PFKFB3: variants seen among roughly 807,000 people sequenced by gnomAD.
PFKFB3 encodes the protein 6-phosphofructo-2-kinase/fructose-2,6-bisphosphatase 3.
Under a neutral mutation model 68.0 loss-of-function variants are expected in PFKFB3, and 33 were observed. The observed-to-expected ratio is 0.49, with a 90% CI of 0.37 to 0.65. The LOEUF (loss-of-function observed/expected upper bound fraction) is 0.65. Among genes scored for constraint, PFKFB3 ranks in the 30% least tolerant of loss-of-function variants. PFKFB3 has a pLI of 0.00. For missense variants in PFKFB3, 586 were observed against 712.2 expected (o/e 0.82, Z 2.02); for synonymous variants, 315 against 288.2 (o/e 1.09, Z -0.94).
At chr10:6,221,993 G>A (rs1363941537) in intron 10 of PFKFB3, among the ~76,000 whole-genome samples, 2 of 152,202 alleles carry the variant, frequency 1.3e-5, no homozygotes, top group Non-Finnish European at 2.9e-5. Context: ...GGAAGGTGGT[G>A]TGTGAAGGTC....
chr10:6,251,544 G>A (rs550274034), intron 14 of PFKFB3, among the ~76,000 whole-genome samples: 48 of 152,306 alleles, frequency 3.2e-4, no homozygotes, highest in African/African-American at 9.1e-4. Context: ...GGGAAGCCTC[G>A]CAAGAAGAGA....
chr10:6,224,168 C>G lies in PFKFB3; in HGVS notation c.1296C>G (p.Ile432Met), dbSNP rs1845163945. ...CTCCAGGCTGCCGTGTGGAATCCAT[C>G]TACCTGAACGTGGAGTCCGTCTGCA... ...PVAYGCRVES[I>M]YLNVESVCTH... The change falls in exon 13 of 15, where the codon ATC becomes ATG. Residue 432 changes from isoleucine (I) to methionine (M), a missense_variant. Ile to Met is a conservative substitution (Grantham distance 10, BLOSUM62 1). Coordinates refer to ENST00000379775, the MANE Select transcript of PFKFB3 (RefSeq NM_004566.4). 6.2e-7 allele frequency: 1 copy of G among 1,614,106 alleles called. No homozygotes were observed. The highest frequency in any genetic ancestry group is 8.5e-7 in the Non-Finnish European group (1 of 1,180,040).
chr10:6,283,322 G>A, the PFKFB3 span, among the ~76,000 whole-genome samples: 14 of 152,276 alleles, frequency 9.2e-5, no homozygotes, highest in East Asian at 1.4e-3. Context: ...GGAGGTGTGC[G>A]TATGGGGGCA....
chr10:6,243,208 G>A (rs1219548237), intron 14 of PFKFB3, among the ~76,000 whole-genome samples: 3 of 152,082 alleles, frequency 2.0e-5, no homozygotes, highest in African/African-American at 7.2e-5. Context: ...TTTCATTAGA[G>A]AAAAAAAGAG....
In PFKFB3 at chr10:6,203,877, T is replaced by A. The variant is rs191808835; in HGVS notation, c.76+541T>A. Among the ~76,000 whole-genome samples the A allele has an allele frequency of 1.7e-3, 263 of 152,262 alleles. 2 individuals carry two copies. Among genetic ancestry groups the A allele is most frequent in the African/African-American group, 5.5e-3 (228 of 41,564 alleles). Reference sequence around the variant, plus strand: ...TTTCTCTGTTTCTACCTCCTTCCTCTCCCACTGTTTCTTTCTGCTTTTATC... The same window carrying A: ...TTTCTCTGTTTCTACCTCCTTCCTCACCCACTGTTTCTTTCTGCTTTTATC... On this transcript the variant is annotated intron_variant, in intron 1 of 14. Coordinates refer to ENST00000379775, the MANE Select transcript of PFKFB3 (RefSeq NM_004566.4).
At chr10:6,292,901 T>G in the PFKFB3 span, among the ~76,000 whole-genome samples, 1 of 152,132 alleles carries the variant, frequency 6.6e-6, no homozygotes, top group Non-Finnish European at 1.5e-5. Flanking sequence ...AAAACCAGGA[T>G]AAGGCTACAG....
At chr10:6,267,828 G>A in the PFKFB3 span, among the ~76,000 whole-genome samples, 4 of 151,532 alleles carry the variant, frequency 2.6e-5, no homozygotes, top group Non-Finnish European at 4.4e-5. Context: ...GGTGGCGGGC[G>A]CCTGTAGTCC....
In PFKFB3 at chr10:6,215,284, G is replaced by T; in HGVS notation, c.266G>T (p.Arg89Leu). The T allele has an allele frequency of 6.2e-7, 1 of 1,613,860 alleles. No individual in the cohort carries two copies. The highest frequency in any genetic ancestry group is 8.5e-7 in the Non-Finnish European group (1 of 1,179,952). The change falls in exon 3 of 15, where the codon CGC (arginine) becomes CTC (leucine). Residue 89 changes from arginine to leucine, a missense_variant. Physicochemically the swap from Arg to Leu is moderately radical, Grantham distance 102 (BLOSUM62 -2). Transcript: ENST00000379775. This position sits in a 1 kb window ranked among gnomAD's most constrained non-coding sequence, Gnocchi z 4.3. ...CAGTACAGCTCCTACAACTTCTTCC[G>T]CCCCGACAATGAGGAAGCCATGAAA... ...VKQYSSYNFF[R>L]PDNEEAMKVR... is the part of the protein sequence containing the mutation.
At chr10:6,293,977 T>C in the PFKFB3 span, 1,427 of 519,254 alleles carry the variant, frequency 2.7e-3, 4 homozygotes, top group Non-Finnish European at 4.3e-3. Context: ...CTTGATCCAA[T>C]GGCTTCATGA....
chr10:6,253,820 T>G (rs1437283023), intron 14 of PFKFB3, among the ~76,000 whole-genome samples: 1 of 152,030 alleles, frequency 6.6e-6, no homozygotes, highest in Admixed American at 6.5e-5. Context: ...AGTGGGCAGA[T>G]CAGTTGAGGT....
chr10:6,163,696 ACCGGCGGGG>A, intron 1 of PFKFB3: 1 of 95,626 alleles, frequency 1.0e-5, no homozygotes, highest in East Asian at 4.2e-4. Flanking sequence ...GCGTGGCGGG[ACCGGCGGGG>A]GCGGGGCCTG....
chr10:6,251,798 ATC>A (rs965523146), intron 14 of PFKFB3, among the ~76,000 whole-genome samples: 1 of 152,090 alleles, frequency 6.6e-6, no homozygotes, highest in African/African-American at 2.4e-5. Context: ...GTGAAACCCC[ATC>A]TCTCTAAAAA....
At chr10:6,157,031 G>A (rs1841824796) in intron 1 of PFKFB3, among the ~76,000 whole-genome samples, 1 of 151,162 alleles carries the variant, frequency 6.6e-6, no homozygotes, top group South Asian at 2.1e-4. Context: ...AGTAGAGGTT[G>A]CAGTGAGCCG....
upstream of PFKFB3, chr10:6,202,908 A>G (rs1843424947): frequency 1.7e-6 from 2 of 1,161,938 alleles, no homozygotes; most frequent in Non-Finnish European, 2.1e-6. Context: ...ACTCTTTAAA[A>G]GCCGGCGGTG....
chr10:6,221,688 T>C lies in PFKFB3; in HGVS notation c.1026T>C (p.Pro342=). The C allele has an allele frequency of 6.2e-7, 1 of 1,610,800 alleles. No individual in the cohort carries two copies. The highest frequency in any genetic ancestry group is 8.5e-7 in the Non-Finnish European group (1 of 1,178,968). Reference sequence around the variant, plus strand: ...ACGAGGAGATCAGGGACACCTACCCTGAGGAGTATGCGCTGCGGGAGCAGG... The same window carrying C: ...ACGAGGAGATCAGGGACACCTACCCCGAGGAGTATGCGCTGCGGGAGCAGG... ...LTYEEIRDTY[P]EEYALREQDK... is the part of the protein sequence containing the mutation. Residue 342 remains proline (P), a synonymous_variant, in exon 10 of 15, where the codon CCT becomes CCC. Coordinates refer to ENST00000379775, the MANE Select transcript of PFKFB3 (RefSeq NM_004566.4).
chr10:6,295,585 G>T, the PFKFB3 span, among the ~76,000 whole-genome samples: 1 of 151,850 alleles, frequency 6.6e-6, no homozygotes, highest in Admixed American at 6.6e-5. Context: ...TTGATGTGGT[G>T]GTGAGGTGTG....
the PFKFB3 span, among the ~76,000 whole-genome samples, chr10:6,283,837 C>T: frequency 6.6e-6 from 1 of 152,134 alleles, no homozygotes; most frequent in Non-Finnish European, 1.5e-5. Flanking sequence ...AGGCAGGATC[C>T]AGGATCCAAT....
At chr10:6,322,908 C>T in the PFKFB3 span, among the ~76,000 whole-genome samples, 1 of 152,324 alleles carries the variant, frequency 6.6e-6, no homozygotes, top group East Asian at 1.9e-4. Flanking sequence ...TGTTTATTGT[C>T]AGTCTTTGCC....
chr10:6,172,868 A>G (rs896466595), intron 1 of PFKFB3, among the ~76,000 whole-genome samples: 2 of 151,130 alleles, frequency 1.3e-5, no homozygotes, highest in Admixed American at 6.6e-5. Context: ...TTGTCCAGGG[A>G]GGGCAGAGCT....
Sources: allele counts gnomAD v4.1 joint callset (sites outside exome capture counted in the v4.1 genomes callset), GRCh38; gene constraint gnomAD v4.1.1; non-coding constraint Gnocchi (gnomAD v3.1); transcripts MANE v1.5; gene names NCBI Gene and HGNC (gene_info 2026-07-23, HGNC 2026-07-21).